IL1RAPL1: variants seen among roughly 807,000 people sequenced by gnomAD.
The protein encoded by IL1RAPL1 is interleukin-1 receptor accessory protein-like 1.
IL1RAPL1 carries 3 observed loss-of-function variants against 48.4 expected under a neutral mutation model. That is an observed-to-expected ratio of 0.06 (90% CI 0.03 to 0.16). The LOEUF (loss-of-function observed/expected upper bound fraction) is 0.16. IL1RAPL1 is among the 10% of genes least tolerant of loss of function. IL1RAPL1 has a pLI of 1.00. For missense variants in IL1RAPL1, 349 were observed against 530.6 expected (o/e 0.66, Z 3.36); for synonymous variants, 185 against 187.7 (o/e 0.99, Z 0.12).
intron 1 of IL1RAPL1, among the ~76,000 whole-genome samples, chrX:28,646,158 A>G (rs1010233726): frequency 1.8e-5 from 2 of 111,858 alleles, no homozygotes; most frequent in South Asian, 3.7e-4. Context: ...TAAGGATTAA[A>G]CCGTTCCACC....
intron 6 of IL1RAPL1, among the ~76,000 whole-genome samples, chrX:29,836,014 C>A (rs1291522296): frequency 1.9e-5 from 2 of 105,934 alleles, no homozygotes; most frequent in Admixed American, 2.1e-4. Context: ...CTGCTCTGAT[C>A]TTTATCATTC....
intron 2 of IL1RAPL1, among the ~76,000 whole-genome samples, chrX:29,252,608 C>T (rs1416895415): frequency 8.9e-6 from 1 of 112,405 alleles, no homozygotes; most frequent in Non-Finnish European, 1.9e-5. Flanking sequence ...TAAATTTCCA[C>T]ACTTGAGACG....
At chrX:29,052,678 A>T (rs1485365530) in intron 2 of IL1RAPL1, among the ~76,000 whole-genome samples, 1 of 109,789 alleles carries the variant, frequency 9.1e-6, no homozygotes, top group African/African-American at 3.3e-5. Context: ...ATCTTTTAAA[A>T]AAATTTTTTT....
At position 29,342,085 on chromosome X, in the gene IL1RAPL1, G is replaced by A. The variant is rs1382352563; in HGVS notation, c.363-54173G>A. The stretch of plus-strand genomic sequence containing the variant: ...GCCTCCCAAAGTGCTGGGATTACAG[G>A]CGTGAGCCACTGCACACGGCCTTGT... On this transcript the variant is annotated intron_variant, in intron 3 of 10. Coordinates refer to ENST00000378993, the MANE Select transcript of IL1RAPL1 (RefSeq NM_014271.4). Among the ~76,000 whole-genome samples, 3 of 109,088 alleles carry A rather than the reference G, an allele frequency of 2.8e-5. No individual in the cohort carries two copies. The Admixed American group carries it at 3.0e-4, about 11-fold the overall frequency. The allele number at this position is 109,088 out of a possible 115,157, so 94.7% of individuals were successfully genotyped here. A position where few individuals can be genotyped will look rare whatever the true frequency, so the allele number is the denominator to read the frequency against.
intron 2 of IL1RAPL1, among the ~76,000 whole-genome samples, chrX:29,079,383 G>A (rs1166971587): frequency 1.8e-5 from 2 of 111,261 alleles, no homozygotes; most frequent in East Asian, 5.7e-4. Context: ...AGGTAATCAG[G>A]TAAATAAGTC....
chrX:29,767,147 C>T (rs1305605492), intron 6 of IL1RAPL1, among the ~76,000 whole-genome samples: 2 of 111,709 alleles, frequency 1.8e-5, no homozygotes, highest in Non-Finnish European at 3.8e-5. Flanking sequence ...GGATTGCTCC[C>T]AGTTGTAAAT....
At chrX:29,212,842 A>T (rs1392285521) in intron 2 of IL1RAPL1, among the ~76,000 whole-genome samples, 3 of 112,166 alleles carry the variant, frequency 2.7e-5, no homozygotes, top group Admixed American at 9.5e-5. Flanking sequence ...CTTCATTGTC[A>T]TCTTCAAGTT....
chrX:29,240,212 A>G (rs1210743894), intron 2 of IL1RAPL1, among the ~76,000 whole-genome samples: 5 of 48,399 alleles, frequency 1.0e-4, no homozygotes, highest in African/African-American at 6.8e-4. Context: ...ATATATATAT[A>G]TATATATATA....
At chrX:29,839,361 C>T (rs1931084967) in intron 6 of IL1RAPL1, among the ~76,000 whole-genome samples, 1 of 111,727 alleles carries the variant, frequency 9.0e-6, no homozygotes, top group Admixed American at 9.5e-5. Flanking sequence ...TTATGCACTC[C>T]CATTTATTGG....
At chrX:28,963,587 G>A (rs772078125) in intron 2 of IL1RAPL1, among the ~76,000 whole-genome samples, 1 of 110,969 alleles carries the variant, frequency 9.0e-6, no homozygotes, top group African/African-American at 3.3e-5. Context: ...GTCTAGGAAG[G>A]TGCCCATCCT....
chrX:29,027,630 G>C (rs1458793957), intron 2 of IL1RAPL1, among the ~76,000 whole-genome samples: 1 of 111,573 alleles, frequency 9.0e-6, no homozygotes, highest in Non-Finnish European at 1.9e-5. Context: ...TTCCAAAGTG[G>C]CTATTCCATT....
intron 2 of IL1RAPL1, among the ~76,000 whole-genome samples, chrX:29,075,896 C>T (rs1314681760): frequency 1.8e-5 from 2 of 111,466 alleles, no homozygotes; most frequent in Non-Finnish European, 1.9e-5. Flanking sequence ...ATAAAAAGGT[C>T]GTCGTTTGCT....
At chrX:29,584,628 A>C (rs1393954340) in intron 5 of IL1RAPL1, among the ~76,000 whole-genome samples, 1 of 111,491 alleles carries the variant, frequency 9.0e-6, no homozygotes, top group Non-Finnish European at 1.9e-5. Context: ...ATCATGGCTC[A>C]CTGCAGCATG....
At chrX:28,953,739 A>G (rs1364291725) in intron 2 of IL1RAPL1, among the ~76,000 whole-genome samples, 1 of 110,863 alleles carries the variant, frequency 9.0e-6, no homozygotes, top group Non-Finnish European at 1.9e-5. Flanking sequence ...TTTTACATTA[A>G]TTACTGGAGC....
At chrX:29,176,506 T>C (rs1459628375) in intron 2 of IL1RAPL1, among the ~76,000 whole-genome samples, 1 of 110,536 alleles carries the variant, frequency 9.0e-6, no homozygotes, top group Admixed American at 9.8e-5. Flanking sequence ...TCAAAGGAAT[T>C]CCTCAACTGT....
intron 8 of IL1RAPL1, among the ~76,000 whole-genome samples, chrX:29,929,180 A>G (rs746222292): frequency 9.0e-6 from 1 of 111,676 alleles, no homozygotes; most frequent in Non-Finnish European, 1.9e-5. Context: ...TCATTTTTAA[A>G]ACCACCTCAA....
At chrX:29,186,183 A>G (rs751675334) in intron 2 of IL1RAPL1, among the ~76,000 whole-genome samples, 1 of 112,215 alleles carries the variant, frequency 8.9e-6, no homozygotes. Flanking sequence ...ATAAAAATGA[A>G]TGATGATCAT....
At chrX:29,904,096 T>C (rs2147228459) in intron 6 of IL1RAPL1, among the ~76,000 whole-genome samples, 1 of 112,293 alleles carries the variant, frequency 8.9e-6, no homozygotes, top group Non-Finnish European at 1.9e-5. Flanking sequence ...ATTTCCTGTA[T>C]TTCTGGTTAA....
chrX:28,875,646 AGCTTGGTG>A (rs1245543575), intron 2 of IL1RAPL1, among the ~76,000 whole-genome samples: 4 of 111,113 alleles, frequency 3.6e-5, no homozygotes, highest in Non-Finnish European at 5.7e-5. Flanking sequence ...TCTTATGAAT[AGCTTGGTG>A]GCTTGGTGGC....
Sources: allele counts gnomAD v4.1 joint callset (sites outside exome capture counted in the v4.1 genomes callset), GRCh38; gene constraint gnomAD v4.1.1; transcripts MANE v1.5; gene names NCBI Gene and HGNC (gene_info 2026-07-23, HGNC 2026-07-21).